Variants in HOOK3 observed in about 807,000 individuals in gnomAD.
HOOK3 encodes the protein hook microtubule tethering protein 3.
A neutral mutation model predicts 116.3 loss-of-function variants in HOOK3; 24 were observed. That is an observed-to-expected ratio of 0.21 (90% CI 0.15 to 0.29). The LOEUF (loss-of-function observed/expected upper bound fraction) is 0.29. Ranked by LOEUF, HOOK3 falls within the 10% of genes least tolerant of loss-of-function variation. The pLI is 1.00. For synonymous variants in HOOK3, 275 were observed against 283.0 expected (o/e 0.97, Z 0.28); for missense variants, 632 against 830.2 (o/e 0.76, Z 2.93).
In HOOK3 at chr8:42,952,758, T is replaced by G. The variant is rs531548744; in HGVS notation, c.468+2303T>G. ...GGCAGGAATGCAAACTGGTATATCT[T>G]TTAAAAATGTTATCCCCTTTTATAT... On this transcript the variant is annotated intron_variant, in intron 6 of 21. Coordinates refer to ENST00000307602, the MANE Select transcript of HOOK3 (RefSeq NM_032410.4). 2.6e-5 allele frequency among the ~76,000 whole-genome samples: 4 copies of G among 152,330 alleles called. No individual in the cohort carries two copies. The South Asian group carries it at 8.3e-4, about 32-fold the overall frequency.
intron 21 of HOOK3, 51 bp from the exon 22 acceptor site, chr8:43,018,307 G>T: frequency 6.6e-7 from 1 of 1,508,476 alleles, no homozygotes; most frequent in Non-Finnish European, 8.9e-7. Flanking sequence ...CTTTTGTGAA[G>T]TATGTTCCAC....
At chr8:42,938,862 T>G (rs1409426343) in intron 4 of HOOK3, among the ~76,000 whole-genome samples, 8 of 152,104 alleles carry the variant, frequency 5.3e-5, no homozygotes, top group Non-Finnish European at 1.0e-4. Context: ...AGGACCCTGC[T>G]GCATTCCGCA....
In HOOK3 at chr8:43,028,672, A is replaced by G. The variant is rs1438795416; in HGVS notation, c.*10174A>G. On this transcript the variant is annotated 3_prime_UTR_variant, in exon 22 of 22. Coordinates refer to ENST00000307602, the MANE Select transcript of HOOK3 (RefSeq NM_032410.4). ...TACTATTCCAGTGACTTAGCTAATG[A>G]AAACATTTAAAAATATGTATTAATT... 1 of 192,374 alleles carries G rather than the reference A, an allele frequency of 5.2e-6. No individual in the cohort carries two copies. The highest frequency in any genetic ancestry group is 1.1e-5 in the Non-Finnish European group (1 of 92,060). The allele number at this position is 192,374 out of a possible 1,614,324, so 11.9% of individuals were successfully genotyped here. A position where few individuals can be genotyped will look rare whatever the true frequency, so the allele number is the denominator to read the frequency against.
intron 4 of HOOK3, among the ~76,000 whole-genome samples, chr8:42,940,621 G>GTTTTT (rs1449188513): frequency 1.3e-5 from 2 of 152,214 alleles, no homozygotes; most frequent in Admixed American, 6.5e-5. Context: ...GAGATCTGCT[G>GTTTTT]TTAGTCTGAT....
chr8:42,945,525 G>A (rs1808210313), intron 5 of HOOK3, among the ~76,000 whole-genome samples: 1 of 152,108 alleles, frequency 6.6e-6, no homozygotes. Context: ...TGGTCAGGCT[G>A]GTCTCAAACT....
At chr8:43,001,901 C>A (rs1160420021) in intron 16 of HOOK3, among the ~76,000 whole-genome samples, 1 of 152,142 alleles carries the variant, frequency 6.6e-6, no homozygotes. Context: ...GTGGGTATTT[C>A]ATACTGATTG....
At chr8:42,900,784 ATTTAAC>A (rs1391422751) in intron 1 of HOOK3, among the ~76,000 whole-genome samples, 1 of 152,238 alleles carries the variant, frequency 6.6e-6, no homozygotes, top group African/African-American at 2.4e-5. Context: ...TTGCATTGAT[ATTTAAC>A]TTTATGTTTG....
chr8:43,005,384 C>T (rs2130478621), intron 17 of HOOK3, among the ~76,000 whole-genome samples: 1 of 151,896 alleles, frequency 6.6e-6, no homozygotes, highest in East Asian at 1.9e-4. Flanking sequence ...CCACGCCTGG[C>T]TCATTTTTTG....
chr8:42,901,768 G>A (rs1807194467), intron 1 of HOOK3, among the ~76,000 whole-genome samples: 1 of 152,162 alleles, frequency 6.6e-6, no homozygotes, highest in African/African-American at 2.4e-5. Flanking sequence ...CTGGAGTGCA[G>A]TGGCACAATC....
At chr8:42,974,928 TGTGGATGCC>T (rs1367986110) in intron 13 of HOOK3, among the ~76,000 whole-genome samples, 1 of 152,158 alleles carries the variant, frequency 6.6e-6, no homozygotes, top group Non-Finnish European at 1.5e-5. Flanking sequence ...CAGCTGTCTG[TGTGGATGCC>T]GAGTCCCTCC....
intron 13 of HOOK3, among the ~76,000 whole-genome samples, chr8:42,975,937 C>T (rs1808817872): frequency 6.6e-6 from 1 of 152,086 alleles, no homozygotes; most frequent in Admixed American, 6.5e-5. Flanking sequence ...AATCTCCTGA[C>T]CATGTGATCT....
At position 43,023,799 on chromosome 8, in the gene HOOK3, C is replaced by T. The variant is rs1296223564; in HGVS notation, c.*5301C>T. ...CGAAAGTAGCAGTTTGGTTTATTCT[C>T]GTTTGCTAAGTAATTGTTTGAAATA... On this transcript the variant is annotated 3_prime_UTR_variant, in exon 22 of 22. Coordinates refer to ENST00000307602, the MANE Select transcript of HOOK3 (RefSeq NM_032410.4). 1.5e-5 allele frequency: 3 copies of T among 201,576 alleles called. No homozygotes were observed. The highest frequency in any genetic ancestry group is 2.3e-5 in the African/African-American group (1 of 43,660). 12.5% of individuals were successfully genotyped at this position (201,576 alleles called of 1,614,324 possible). A position where few individuals can be genotyped will look rare whatever the true frequency, so the allele number is the denominator to read the frequency against.
chr8:42,971,530 A>G (rs780631988), intron 11 of HOOK3, among the ~76,000 whole-genome samples: 1 of 152,138 alleles, frequency 6.6e-6, no homozygotes, highest in Non-Finnish European at 1.5e-5. Context: ...TGGCCTCCCA[A>G]AGTGCTGGGA....
intron 13 of HOOK3, among the ~76,000 whole-genome samples, chr8:42,978,353 C>T (rs572085773): frequency 6.6e-6 from 1 of 151,432 alleles, no homozygotes; most frequent in Non-Finnish European, 1.5e-5. Context: ...AAGTGATTCT[C>T]TTGCCTCAGC....
intron 4 of HOOK3, among the ~76,000 whole-genome samples, chr8:42,933,242 A>G (rs1257794173): frequency 6.6e-6 from 1 of 152,238 alleles, no homozygotes; most frequent in African/African-American, 2.4e-5. Context: ...AAAGTGTGAG[A>G]TTGTATATGC....
In HOOK3 at chr8:42,897,169, G is replaced by A; in HGVS notation, c.38G>A (p.Cys13Tyr). ...GAGTCGCTGGAGCGGGCGGAGCTGT[G>A]CGAGAGCCTCCTCACTTGGGTACGT... ...SVESLERAEL[C>Y]ESLLTWIQTF... The change falls in exon 1 of 22, where the codon TGC becomes TAC. Residue 13 changes from cysteine to tyrosine, a missense_variant. Cys to Tyr is a radical substitution (Grantham distance 194). Transcript: ENST00000307602. The A allele has an allele frequency of 1.6e-6, 2 of 1,249,270 alleles. No homozygotes were observed. The highest frequency in any genetic ancestry group is 2.0e-6 in the Non-Finnish European group (2 of 991,720). The allele number at this position is 1,249,270 out of a possible 1,614,324, so 77.4% of individuals were successfully genotyped here. A position where few individuals can be genotyped will look rare whatever the true frequency, so the allele number is the denominator to read the frequency against.
intron 4 of HOOK3, among the ~76,000 whole-genome samples, chr8:42,931,855 C>T (rs557643328): frequency 2.0e-5 from 3 of 151,608 alleles, no homozygotes; most frequent in African/African-American, 4.8e-5. Context: ...CCTGGGTTCA[C>T]GCCATTCTCC....
intron 13 of HOOK3, among the ~76,000 whole-genome samples, chr8:42,976,259 C>T (rs1169692506): frequency 6.6e-6 from 1 of 151,772 alleles, no homozygotes; most frequent in Non-Finnish European, 1.5e-5. Flanking sequence ...GTAATCTAAC[C>T]CTTGGGGAGG....
chr8:42,957,829 T>TA (rs1343953343), intron 7 of HOOK3, among the ~76,000 whole-genome samples: 5 of 149,768 alleles, frequency 3.3e-5, no homozygotes, highest in Non-Finnish European at 7.4e-5. Flanking sequence ...TCTCTTCCTT[T>TA]TTTTTTTTTT....
Sources: allele counts gnomAD v4.1 joint callset (sites outside exome capture counted in the v4.1 genomes callset), GRCh38; gene constraint gnomAD v4.1.1; transcripts MANE v1.5; gene names NCBI Gene and HGNC (gene_info 2026-07-23, HGNC 2026-07-21).